Variants in PDE11A observed in about 807,000 individuals in gnomAD.
The protein encoded by PDE11A is phosphodiesterase 11A.
PDE11A carries 100 observed loss-of-function variants against 100.5 expected under a neutral mutation model. The ratio of observed to expected loss-of-function variants is 1.00; its 90% CI spans 0.85 to 1.18. The LOEUF is 1.18. Ranked by LOEUF, PDE11A falls within the 50% of genes most tolerant of loss-of-function variation. The pLI is 0.00. For synonymous variants in PDE11A, 381 were observed against 420.8 expected (o/e 0.91, Z 1.16); for missense variants, 1,141 against 1,152.6 (o/e 0.99, Z 0.15).
chr2:177,680,257 G>T (rs1392037081), intron 16 of PDE11A, among the ~76,000 whole-genome samples: 1 of 152,084 alleles, frequency 6.6e-6, no homozygotes, highest in African/African-American at 2.4e-5. Flanking sequence ...GGGTATGAGA[G>T]AAAGAGGAAT....
At chr2:177,683,076 T>C (rs1403977772) in intron 15 of PDE11A, among the ~76,000 whole-genome samples, 4 of 152,182 alleles carry the variant, frequency 2.6e-5, no homozygotes, top group Non-Finnish European at 5.9e-5. Flanking sequence ...GTGTCTGGCC[T>C]GGGGTGCTTA....
chr2:177,886,272 A>G (rs2084427837), intron 4 of PDE11A, among the ~76,000 whole-genome samples: 1 of 152,218 alleles, frequency 6.6e-6, no homozygotes, highest in Admixed American at 6.5e-5. Flanking sequence ...AGTCTAATGG[A>G]AAATGCCATT....
At chr2:177,742,679 T>G (rs556244143) in intron 10 of PDE11A, among the ~76,000 whole-genome samples, 7 of 151,998 alleles carry the variant, frequency 4.6e-5, no homozygotes, top group Non-Finnish European at 8.8e-5. Flanking sequence ...AGCTAGAGAG[T>G]CCACCCCTTG....
At chr2:177,749,299 A>T (rs1442383450) in intron 10 of PDE11A, among the ~76,000 whole-genome samples, 1 of 152,096 alleles carries the variant, frequency 6.6e-6, no homozygotes, top group Non-Finnish European at 1.5e-5. Context: ...GTAACCTCAG[A>T]CTGTTGGGAT....
At chr2:177,843,004 T>C (rs2105629212) in intron 5 of PDE11A, among the ~76,000 whole-genome samples, 1 of 151,852 alleles carries the variant, frequency 6.6e-6, no homozygotes, top group African/African-American at 2.4e-5. Flanking sequence ...GAAATCTATA[T>C]CTAGGGAAGG....
chr2:178,008,332 A>C (rs1300697997), intron 2 of PDE11A, among the ~76,000 whole-genome samples: 1 of 152,222 alleles, frequency 6.6e-6, no homozygotes, highest in African/African-American at 2.4e-5. Flanking sequence ...AATTGACTTT[A>C]TTAAGCTGAT....
intron 1 of PDE11A, among the ~76,000 whole-genome samples, chr2:178,040,333 G>A (rs1481564533): frequency 6.6e-6 from 1 of 152,174 alleles, no homozygotes; most frequent in Non-Finnish European, 1.5e-5. Context: ...TAGGATTACA[G>A]GTGTGAGCCA....
In PDE11A at chr2:178,071,938, G is replaced by A. The variant is rs777940347; in HGVS notation, c.500C>T (p.Thr167Ile). Residue 167 changes from threonine (T) to isoleucine (I), a missense_variant, in exon 1 of 20, where the codon ACC becomes ATC. By Grantham distance (89) the Thr-to-Ile change is moderately conservative. Transcript: ENST00000286063. The part of the protein sequence containing the change: ...LLRKASSLPP[T>I]TAHILSALLE... The stretch of plus-strand genomic sequence containing the variant: ...CAGCGCACTGAGAATATGGGCTGTG[G>A]TGGGGGGCAGGGAGCTTGCCTTCCG... The A allele has an allele frequency of 6.2e-7, 1 of 1,614,152 alleles. No homozygotes were observed. The highest frequency in any genetic ancestry group is 1.1e-5 in the South Asian group (1 of 91,082).
intron 2 of PDE11A, among the ~76,000 whole-genome samples, chr2:178,100,236 T>G (rs1298846771): frequency 1.3e-5 from 2 of 152,226 alleles, no homozygotes; most frequent in African/African-American, 2.4e-5. Context: ...TGGTAAATTT[T>G]ATGTTATATA....
intron 15 of PDE11A, among the ~76,000 whole-genome samples, chr2:177,685,664 G>C (rs1365067661): frequency 6.6e-6 from 1 of 152,024 alleles, no homozygotes; most frequent in Non-Finnish European, 1.5e-5. Context: ...GTTCTCCTGG[G>C]TTCAAGCGAT....
intron 14 of PDE11A, chr2:177,698,506 C>T (rs552653588): frequency 2.6e-5 from 4 of 152,064 alleles, no homozygotes; most frequent in African/African-American, 9.6e-5. Flanking sequence ...TGTTGAGAGC[C>T]GGAAGATGCT....
At chr2:178,044,203 C>T (rs1244324288) in intron 1 of PDE11A, among the ~76,000 whole-genome samples, 1 of 151,884 alleles carries the variant, frequency 6.6e-6, no homozygotes, top group African/African-American at 2.4e-5. Flanking sequence ...GAAGCTCTTG[C>T]TTCATGAAGA....
intron 2 of PDE11A, among the ~76,000 whole-genome samples, chr2:177,945,456 G>T (rs1183307749): frequency 7.2e-6 from 1 of 139,268 alleles, no homozygotes; most frequent in Non-Finnish European, 1.6e-5. Flanking sequence ...GATGTGGGGA[G>T]TGCCTCTGCC....
At chr2:177,727,791 C>T (rs1165940275) in intron 11 of PDE11A, 26 bp from the exon 12 acceptor site, 1 of 1,385,202 alleles carries the variant, frequency 7.2e-7, no homozygotes, top group East Asian at 2.3e-5. Context: ...GAGGGTGCGT[C>T]AGGCAGTTGT....
chr2:178,100,212 T>G (rs930424238), intron 2 of PDE11A, among the ~76,000 whole-genome samples: 6 of 152,198 alleles, frequency 3.9e-5, no homozygotes, highest in African/African-American at 1.2e-4. Context: ...AATTGTAAGT[T>G]AAGATGGTTA....
chr2:178,069,667 G>C (rs2087099454), intron 1 of PDE11A, among the ~76,000 whole-genome samples: 1 of 152,136 alleles, frequency 6.6e-6, no homozygotes, highest in Admixed American at 6.5e-5. Flanking sequence ...TGCAGAGTAA[G>C]GGTAGAGCCC....
At chr2:177,929,122 G>A (rs541189850) in intron 2 of PDE11A, among the ~76,000 whole-genome samples, 2 of 152,174 alleles carry the variant, frequency 1.3e-5, no homozygotes, top group East Asian at 1.9e-4. Context: ...CTCTGCAAGT[G>A]CTCCCAGCCT....
intron 6 of PDE11A, among the ~76,000 whole-genome samples, chr2:177,831,790 C>T (rs1464621680): frequency 2.0e-5 from 3 of 152,192 alleles, no homozygotes; most frequent in African/African-American, 7.2e-5. Flanking sequence ...TTATATTAAA[C>T]CACAGAAATT....
chr2:177,989,451 CT>C (rs2085977404), intron 2 of PDE11A, among the ~76,000 whole-genome samples: 2 of 152,276 alleles, frequency 1.3e-5, no homozygotes, highest in South Asian at 4.1e-4. Flanking sequence ...ACAGAGGATA[CT>C]TTTTCTGTAA....
Sources: allele counts gnomAD v4.1 joint callset (sites outside exome capture counted in the v4.1 genomes callset), GRCh38; gene constraint gnomAD v4.1.1; transcripts MANE v1.5; gene names NCBI Gene and HGNC (gene_info 2026-07-23, HGNC 2026-07-21).